RPS6KA2: variants seen among roughly 807,000 people sequenced by gnomAD.
RPS6KA2 encodes the protein ribosomal protein S6 kinase A2.
RPS6KA2 carries 42 observed loss-of-function variants against 91.8 expected under a neutral mutation model. The ratio of observed to expected loss-of-function variants is 0.46; its 90% CI spans 0.36 to 0.59. The LOEUF is 0.59. Among genes scored for constraint, RPS6KA2 ranks in the 20% least tolerant of loss-of-function variants. RPS6KA2 has a pLI of 0.00. For synonymous variants in RPS6KA2, 414 were observed against 393.6 expected (o/e 1.05, Z -0.61); for missense variants, 798 against 978.5 (o/e 0.82, Z 2.46).
In RPS6KA2 at chr6:166,801,260, A is replaced by T. The variant is rs1383015001; in HGVS notation, c.123+56940T>A. On this transcript the variant is annotated intron_variant, in intron 2 of 21. Transcript: ENST00000503859. ...TAAAACATAAAGATAGTATCCAGGG[A>T]GAAAAGAAACACAGCTAAGTAAAAG... Among the ~76,000 whole-genome samples the T allele has an allele frequency of 4.6e-5, 7 of 152,368 alleles. No individual in the cohort carries two copies. In the South Asian group the frequency reaches 6.2e-4, roughly 14 times the overall value.
At chr6:166,671,473 T>C (rs1788470060) in intron 2 of RPS6KA2, among the ~76,000 whole-genome samples, 1 of 152,096 alleles carries the variant, frequency 6.6e-6, no homozygotes, top group South Asian at 2.1e-4. Context: ...CTGACGCTGG[T>C]GACCTGTATA....
chr6:166,856,009 T>C (rs1035063483), intron 2 of RPS6KA2, among the ~76,000 whole-genome samples: 2 of 152,234 alleles, frequency 1.3e-5, no homozygotes, highest in Non-Finnish European at 1.5e-5. Context: ...TTACATTCTA[T>C]GATAGATTCA....
intron 3 of RPS6KA2, among the ~76,000 whole-genome samples, chr6:166,510,804 T>C (rs779959827): frequency 6.6e-6 from 1 of 151,804 alleles, no homozygotes; most frequent in Non-Finnish European, 1.5e-5. Flanking sequence ...CCACGTCGTT[T>C]TCCCGACCTA....
chr6:166,667,330 C>T (rs1021139620), intron 2 of RPS6KA2, among the ~76,000 whole-genome samples: 3 of 152,306 alleles, frequency 2.0e-5, no homozygotes, highest in Admixed American at 6.5e-5. Context: ...TGATATATAA[C>T]AGCACATAGT....
intron 2 of RPS6KA2, among the ~76,000 whole-genome samples, chr6:166,714,387 A>G (rs991877315): frequency 6.6e-6 from 1 of 152,204 alleles, no homozygotes; most frequent in African/African-American, 2.4e-5. Context: ...GTGAAAGAAA[A>G]TAGTTATTTA....
At chr6:166,765,928 C>G (rs1293438468) in intron 2 of RPS6KA2, among the ~76,000 whole-genome samples, 2 of 152,234 alleles carry the variant, frequency 1.3e-5, no homozygotes, top group African/African-American at 4.8e-5. Flanking sequence ...CACGCTGACA[C>G]AGTCCTCCAG....
At chr6:166,713,803 G>A (rs1350763823) in intron 2 of RPS6KA2, among the ~76,000 whole-genome samples, 1 of 152,222 alleles carries the variant, frequency 6.6e-6, no homozygotes, top group African/African-American at 2.4e-5. Context: ...GGTCAGCACT[G>A]GCCACGTTAT....
At chr6:166,661,055 T>A (rs1223294988) in intron 2 of RPS6KA2, among the ~76,000 whole-genome samples, 1 of 152,174 alleles carries the variant, frequency 6.6e-6, no homozygotes, top group African/African-American at 2.4e-5. Flanking sequence ...CTGTTAACAT[T>A]AAGTATTGCC....
rs991883377 is a variant in RPS6KA2, at chr6:166,648,908, G to T, written c.124-110124C>A. ...AGGCCCATAGAGTCTACCTTGCAGC[G>T]TCTCACCAATTCACCTGTCTCTCTA... On this transcript the variant is annotated intron_variant, in intron 2 of 21. Transcript: ENST00000503859. The surrounding 1 kb of genome is among the most constrained non-coding windows in gnomAD (Gnocchi z 4.8). Among the ~76,000 whole-genome samples, 2 of 152,064 alleles carry T rather than the reference G, an allele frequency of 1.3e-5. No individual in the cohort carries two copies. Among genetic ancestry groups the T allele is most frequent in the Non-Finnish European group, 2.9e-5 (2 of 68,016 alleles).
intron 2 of RPS6KA2, among the ~76,000 whole-genome samples, chr6:166,730,291 G>A (rs1790470871): frequency 8.2e-6 from 1 of 121,556 alleles, no homozygotes; most frequent in Non-Finnish European, 1.6e-5. Flanking sequence ...AATTATATGG[G>A]AACTTCTTTA....
chr6:166,435,684 T>C lies in RPS6KA2; in HGVS notation c.1333-3194A>G, dbSNP rs2128447587. Among the ~76,000 whole-genome samples, 1 of 152,374 alleles carries C rather than the reference T, an allele frequency of 6.6e-6. No individual in the cohort carries two copies. The highest frequency in any genetic ancestry group is 1.5e-5 in the Non-Finnish European group (1 of 68,036). ...CACCACAGGGTAGAGCCAGCGGTCT[T>C]TCAGCAAACATCTGGTTTGCTCCTG... On this transcript the variant is annotated intron_variant, in intron 14 of 20. Transcript: ENST00000265678. This position sits in a 1 kb window ranked among gnomAD's most constrained non-coding sequence, Gnocchi z 4.3.
rs556540289 is a variant in RPS6KA2 at position 166,745,312 on chromosome 6, T to C, written c.123+112888A>G. 3.4e-4 allele frequency among the ~76,000 whole-genome samples: 51 copies of C among 152,196 alleles called. 1 individual carries two copies. The South Asian group carries it at 3.9e-3, about 12-fold the overall frequency. On this transcript the variant is annotated intron_variant, in intron 2 of 21. Coordinates refer to the RPS6KA2 transcript ENST00000503859. ...GATTTCAGGTGTGTGCCACCATGCC[T>C]GGCTAATTTTTGTATTTTTAGTAGA... is the stretch of plus-strand genomic sequence containing the variant.
intron 2 of RPS6KA2, among the ~76,000 whole-genome samples, chr6:166,753,183 T>C (rs1417889265): frequency 6.6e-6 from 1 of 152,174 alleles, no homozygotes; most frequent in African/African-American, 2.4e-5. Flanking sequence ...GTTCATGGTT[T>C]CACCCCAGTC....
chr6:166,652,430 G>T (rs552227514), intron 2 of RPS6KA2, among the ~76,000 whole-genome samples: 1 of 152,130 alleles, frequency 6.6e-6, no homozygotes, highest in Non-Finnish European at 1.5e-5. Context: ...TGTTTCCCAT[G>T]AGGAGTTTGA....
chr6:166,535,102 C>T (rs146124500), intron 2 of RPS6KA2, among the ~76,000 whole-genome samples: 213 of 152,306 alleles, frequency 1.4e-3, no homozygotes, highest in African/African-American at 4.9e-3. Context: ...GTCTTTAATA[C>T]TCAACCCAGT....
intron 2 of RPS6KA2, among the ~76,000 whole-genome samples, chr6:166,537,884 C>A (rs1326430510): frequency 6.6e-6 from 1 of 152,196 alleles, no homozygotes; most frequent in East Asian, 1.9e-4. Flanking sequence ...CCCAAGGAGG[C>A]AGAGAAATCA....
chr6:166,651,682 G>T (rs6933990), intron 2 of RPS6KA2, among the ~76,000 whole-genome samples: 26,264 of 152,198 alleles, frequency 0.17, 2,530 homozygotes, highest in African/African-American at 0.25. Flanking sequence ...TCCTTAAAGA[G>T]GACAGCAGCC....
At chr6:166,486,268 A>ACATGTGCACGCACACG (rs1370066683) in intron 10 of RPS6KA2, among the ~76,000 whole-genome samples, 1 of 62,022 alleles carries the variant, frequency 1.6e-5, no homozygotes, top group African/African-American at 8.1e-5. Flanking sequence ...ACACACACAC[A>ACATGTGCACGCACACG]CATGTGCACG....
chr6:166,509,709 T>C (rs1427073596), intron 4 of RPS6KA2, among the ~76,000 whole-genome samples: 1 of 152,222 alleles, frequency 6.6e-6, no homozygotes, highest in African/African-American at 2.4e-5. Flanking sequence ...AGATTTCACT[T>C]ACTGCTTCTC....
Sources: allele counts gnomAD v4.1 joint callset (sites outside exome capture counted in the v4.1 genomes callset), GRCh38; gene constraint gnomAD v4.1.1; non-coding constraint Gnocchi (gnomAD v3.1); transcripts MANE v1.5; gene names NCBI Gene and HGNC (gene_info 2026-07-23, HGNC 2026-07-21).